AP3S1: variants seen among roughly 807,000 people sequenced by gnomAD.
AP3S1 encodes AP-3 complex subunit sigma-1.
A neutral mutation model predicts 21.3 loss-of-function variants in AP3S1; 12 were observed. The observed-to-expected ratio is 0.56, with a 90% CI of 0.36 to 0.91. AP3S1 has a LOEUF of 0.91. Ranked by LOEUF, AP3S1 falls within the 40% of genes least tolerant of loss-of-function variation. The pLI is 0.01. For synonymous variants in AP3S1, 48 were observed against 78.4 expected (o/e 0.61, Z 2.05); for missense variants, 116 against 225.0 (o/e 0.52, Z 3.10).
Position 115,903,163 on chromosome 5 carries a change from CTGTT to C in AP3S1, c.453+172_453+175del. On this transcript the variant is annotated intron_variant, in intron 5 of 5. Coordinates refer to ENST00000316788, the MANE Select transcript of AP3S1 (RefSeq NM_001284.4). Reference sequence around the variant, plus strand: ...ACGTAGTATGCTAAAGGTTCTGTGACTGTTCTCTACCCAACAGCTTTGTGTATTC... The same window carrying C: ...ACGTAGTATGCTAAAGGTTCTGTGACCTCTACCCAACAGCTTTGTGTATTC... 3 of 478,862 alleles carry C rather than the reference CTGTT, an allele frequency of 6.3e-6. No homozygotes were observed. The South Asian group carries it at 7.0e-5, about 11-fold the overall frequency. 29.7% of individuals were successfully genotyped at this position (478,862 alleles called of 1,614,324 possible). A position where few individuals can be genotyped will look rare whatever the true frequency, so the allele number is the denominator to read the frequency against.
chr5:115,887,409 T>C (rs1186817802), intron 3 of AP3S1, among the ~76,000 whole-genome samples: 1 of 151,934 alleles, frequency 6.6e-6, no homozygotes, highest in African/African-American at 2.4e-5. Context: ...CAGCAGGATC[T>C]GTTTCTCCTG....
intron 3 of AP3S1, among the ~76,000 whole-genome samples, chr5:115,879,200 G>A (rs1749047063): frequency 6.6e-6 from 1 of 152,096 alleles, no homozygotes; most frequent in Non-Finnish European, 1.5e-5. Flanking sequence ...TCTTTCTCTT[G>A]CCTGATTGCC....
intron 1 of AP3S1, among the ~76,000 whole-genome samples, chr5:115,844,617 T>A (rs1034432454): frequency 1.3e-5 from 2 of 152,152 alleles, no homozygotes; most frequent in Admixed American, 1.3e-4. Flanking sequence ...AAGGGAACAT[T>A]AGTTGGAAGT....
At chr5:115,884,509 A>G (rs1195226680) in intron 3 of AP3S1, among the ~76,000 whole-genome samples, 1 of 152,172 alleles carries the variant, frequency 6.6e-6, no homozygotes, top group Non-Finnish European at 1.5e-5. Flanking sequence ...AGGGGAGTGG[A>G]GGTTGCTGTG....
At chr5:115,901,294 T>G (rs1316412693) in intron 4 of AP3S1, among the ~76,000 whole-genome samples, 1 of 152,106 alleles carries the variant, frequency 6.6e-6, no homozygotes, top group East Asian at 1.9e-4. Context: ...CTGAGTAGCT[T>G]TGGATAAAGG....
At chr5:115,878,825 A>G (rs1333280836) in intron 3 of AP3S1, among the ~76,000 whole-genome samples, 1 of 152,188 alleles carries the variant, frequency 6.6e-6, no homozygotes, top group Non-Finnish European at 1.5e-5. Flanking sequence ...CTTCCTATCC[A>G]TGAGCATGGA....
chr5:115,879,282 C>G (rs1467877201), intron 3 of AP3S1, among the ~76,000 whole-genome samples: 1 of 152,174 alleles, frequency 6.6e-6, no homozygotes, highest in Non-Finnish European at 1.5e-5. Context: ...TGCCAGTTTT[C>G]AAAGGGAATG....
At chr5:115,912,157 T>A (rs899600035) in intron 5 of AP3S1, 1 of 152,008 alleles carries the variant, frequency 6.6e-6, no homozygotes, top group Admixed American at 6.6e-5. Flanking sequence ...TATTATTATT[T>A]TTATTTTAAT....
intron 3 of AP3S1, among the ~76,000 whole-genome samples, chr5:115,875,575 T>TC (rs1748640371): frequency 6.6e-6 from 1 of 152,158 alleles, no homozygotes; most frequent in Non-Finnish European, 1.5e-5. Context: ...TTTGCAACTC[T>TC]CCTGTTGGAG....
At chr5:115,866,606 A>G in intron 1 of AP3S1, 64 bp from the exon 2 acceptor site, 1 of 1,144,162 alleles carries the variant, frequency 8.7e-7, no homozygotes, top group Non-Finnish European at 1.2e-6. Flanking sequence ...TGATTTTAAA[A>G]ATTCTTAAAA....
At chr5:115,861,870 T>G in intron 1 of AP3S1, among the ~76,000 whole-genome samples, 1 of 145,512 alleles carries the variant, frequency 6.9e-6, no homozygotes, top group African/African-American at 2.6e-5. Flanking sequence ...CTTTTCTTTT[T>G]TTTTTTTTTT....
At chr5:115,846,686 A>G (rs991234420) in intron 1 of AP3S1, among the ~76,000 whole-genome samples, 3 of 151,770 alleles carry the variant, frequency 2.0e-5, no homozygotes, top group Non-Finnish European at 4.4e-5. Flanking sequence ...TTTAGTGACT[A>G]TTAAGACGTT....
chr5:115,907,087 C>A (rs1346338202), intron 5 of AP3S1: 1 of 807,006 alleles, frequency 1.2e-6, no homozygotes, highest in East Asian at 1.3e-4. Context: ...TCTGTTTTGT[C>A]TGCCTGCATT....
At chr5:115,884,557 A>C (rs907744833) in intron 3 of AP3S1, among the ~76,000 whole-genome samples, 1 of 152,242 alleles carries the variant, frequency 6.6e-6, no homozygotes, top group East Asian at 1.9e-4. Context: ...CCTGGGTGAC[A>C]GGGTGAGACT....
intron 4 of AP3S1, 47 bp downstream of exon 4, chr5:115,895,205 C>A: frequency 7.7e-7 from 1 of 1,295,242 alleles, no homozygotes; most frequent in Non-Finnish European, 1.1e-6. Context: ...AAAACATTAA[C>A]TTATAATTGT....
chr5:115,886,743 G>A (rs1749817224), intron 3 of AP3S1, among the ~76,000 whole-genome samples: 1 of 152,126 alleles, frequency 6.6e-6, no homozygotes. Flanking sequence ...GTAAATGCTA[G>A]CTGTTATTAT....
chr5:115,888,330 C>T (rs1749975896), intron 3 of AP3S1, among the ~76,000 whole-genome samples: 1 of 152,020 alleles, frequency 6.6e-6, no homozygotes, highest in African/African-American at 2.4e-5. Flanking sequence ...CATCGAGACT[C>T]TAATTTTTCC....
chr5:115,880,235 C>T (rs1459956023), intron 3 of AP3S1, among the ~76,000 whole-genome samples: 3 of 152,088 alleles, frequency 2.0e-5, no homozygotes, highest in Non-Finnish European at 2.9e-5. Flanking sequence ...TATTTCTTGT[C>T]TTCTGCTAGC....
chr5:115,864,619 A>G (rs1763468290), intron 1 of AP3S1, among the ~76,000 whole-genome samples: 1 of 152,212 alleles, frequency 6.6e-6, no homozygotes, highest in South Asian at 2.1e-4. Flanking sequence ...GCTGAAGAAA[A>G]CCGTGTCTAT....
Sources: gnomAD v4.1 joint callset for allele counts (sites outside exome capture counted in the v4.1 genomes callset) on GRCh38, gnomAD v4.1.1 for gene constraint, MANE v1.5 for transcripts, NCBI Gene and HGNC (gene_info 2026-07-23, HGNC 2026-07-21) for gene names.